TOP6BL: variants seen among roughly 807,000 people sequenced by gnomAD.
The protein encoded by TOP6BL is type 2 DNA topoisomerase 6 subunit B-like.
the TOP6BL span, among the ~76,000 whole-genome samples, chr11:66,795,570 G>A: frequency 7.9e-5 from 12 of 152,148 alleles, no homozygotes; most frequent in Admixed American, 5.2e-4. Flanking sequence ...CCAAAGTGCC[G>A]GGATTACAGG....
chr11:66,744,822 C>T, the TOP6BL span: 1 of 1,054,322 alleles, frequency 9.5e-7, no homozygotes, highest in South Asian at 2.7e-5. Flanking sequence ...GAGGAGGGGG[C>T]GGCGGCGGCG....
At chr11:66,828,311 C>T in the TOP6BL span, 48 of 1,613,700 alleles carry the variant, frequency 3.0e-5, no homozygotes, top group African/African-American at 4.0e-5. Flanking sequence ...CAAAGTATTT[C>T]GTGAGATCAC....
the TOP6BL span, chr11:66,843,471 G>C: frequency 2.8e-6 from 4 of 1,427,400 alleles, no homozygotes; most frequent in Non-Finnish European, 9.1e-7. Flanking sequence ...GGCGCTGGGC[G>C]GGGATGGGCT....
At chr11:66,763,999 T>C in the TOP6BL span, among the ~76,000 whole-genome samples, 2 of 152,234 alleles carry the variant, frequency 1.3e-5, no homozygotes, top group Non-Finnish European at 2.9e-5. Context: ...ATTGAGCATT[T>C]ACTATGCATT....
the TOP6BL span, among the ~76,000 whole-genome samples, chr11:66,794,420 A>G: frequency 6.6e-6 from 1 of 152,150 alleles, no homozygotes; most frequent in African/African-American, 2.4e-5. Context: ...GTTAATGCTA[A>G]AGATTTATAG....
the TOP6BL span, among the ~76,000 whole-genome samples, chr11:66,820,219 C>T: frequency 6.6e-6 from 1 of 152,202 alleles, no homozygotes; most frequent in Admixed American, 6.5e-5. Context: ...TCCCTGACTC[C>T]AGCTCCAGAA....
the TOP6BL span, among the ~76,000 whole-genome samples, chr11:66,802,353 C>T: frequency 6.6e-6 from 1 of 152,124 alleles, no homozygotes; most frequent in East Asian, 1.9e-4. Flanking sequence ...TGGGGTTTCA[C>T]CATGTTGGCC....
chr11:66,776,542 C>T, the TOP6BL span, among the ~76,000 whole-genome samples: 1 of 152,074 alleles, frequency 6.6e-6, no homozygotes, highest in South Asian at 2.1e-4. Context: ...AATCCCAGCA[C>T]TTTGGGAGGT....
chr11:66,773,179 C>T, the TOP6BL span, among the ~76,000 whole-genome samples: 2 of 152,236 alleles, frequency 1.3e-5, no homozygotes, highest in East Asian at 3.9e-4. Context: ...AAGCGATCCT[C>T]TTGCCTCAGA....
chr11:66,774,554 C>T, the TOP6BL span, among the ~76,000 whole-genome samples: 3 of 151,888 alleles, frequency 2.0e-5, no homozygotes, highest in Non-Finnish European at 2.9e-5. Context: ...CCTGGGTTCA[C>T]GCCATTCTCC....
chr11:66,799,198 C>T, the TOP6BL span, among the ~76,000 whole-genome samples: 1 of 137,870 alleles, frequency 7.3e-6, no homozygotes. Flanking sequence ...CAGAGCAAGA[C>T]TCTGTCTCCA....
chr11:66,753,057 A>G, the TOP6BL span, among the ~76,000 whole-genome samples: 4 of 151,958 alleles, frequency 2.6e-5, no homozygotes, highest in Non-Finnish European at 5.9e-5. Context: ...TGAACCTGGG[A>G]GGCGGAGGTT....
chr11:66,822,731 C>T, the TOP6BL span: 59 of 1,249,576 alleles, frequency 4.7e-5, no homozygotes, highest in Admixed American at 6.0e-5. Context: ...TGGCTGGGTA[C>T]GGTGGCTCAT....
the TOP6BL span, among the ~76,000 whole-genome samples, chr11:66,804,583 G>A: frequency 9.2e-5 from 14 of 152,144 alleles, no homozygotes; most frequent in African/African-American, 2.4e-4. Flanking sequence ...TATAGAGTAC[G>A]GATGGGAGAC....
At chr11:66,789,806 T>C in the TOP6BL span, among the ~76,000 whole-genome samples, 1 of 152,222 alleles carries the variant, frequency 6.6e-6, no homozygotes, top group African/African-American at 2.4e-5. Flanking sequence ...AGAACTTGAC[T>C]GACTCTCCCA....
At chr11:66,745,309 C>CGGGGGGG in the TOP6BL span, among the ~76,000 whole-genome samples, 2 of 11,808 alleles carry the variant, frequency 1.7e-4, no homozygotes, top group Admixed American at 1.0e-3. Flanking sequence ...CGTTGCGGGG[C>CGGGGGGG]GGGGTGGGGG....
chr11:66,842,605 A>T, the TOP6BL span, among the ~76,000 whole-genome samples: 1 of 152,088 alleles, frequency 6.6e-6, no homozygotes, highest in African/African-American at 2.4e-5. Flanking sequence ...TGAGTCCCCC[A>T]AGTGAGGGCT....
chr11:66,838,681 C>T, the TOP6BL span, among the ~76,000 whole-genome samples: 3 of 152,088 alleles, frequency 2.0e-5, no homozygotes, highest in Non-Finnish European at 4.4e-5. Context: ...GATAGCTGCA[C>T]ATGATGGGGT....
the TOP6BL span, chr11:66,843,310 CCG>C: frequency 6.4e-7 from 1 of 1,550,674 alleles, no homozygotes; most frequent in Non-Finnish European, 8.7e-7. Flanking sequence ...AATAAAGCTG[CCG>C]CGCGCTCACC....
Sources: allele counts gnomAD v4.1 joint callset (sites outside exome capture counted in the v4.1 genomes callset), GRCh38; gene constraint gnomAD v4.1.1; transcripts MANE v1.5; gene names NCBI Gene and HGNC (gene_info 2026-07-23, HGNC 2026-07-21).